IP6K1: variants seen among roughly 807,000 people sequenced by gnomAD.
The protein encoded by IP6K1 is ATP:1D-myo-inositol-hexakisphosphate phosphotransferase.
A neutral mutation model predicts 38.3 loss-of-function variants in IP6K1; 13 were observed. The ratio of observed to expected loss-of-function variants is 0.34; its 90% CI spans 0.22 to 0.54. The LOEUF is 0.54. Among genes scored for constraint, IP6K1 ranks in the 20% least tolerant of loss-of-function variants. IP6K1 has a pLI of 0.92. For missense variants in IP6K1, 397 were observed against 599.8 expected (o/e 0.66, Z 3.53); for synonymous variants, 212 against 229.9 (o/e 0.92, Z 0.70).
intron 1 of IP6K1, among the ~76,000 whole-genome samples, chr3:49,756,504 T>C (rs1471550756): frequency 6.6e-6 from 1 of 151,924 alleles, no homozygotes; most frequent in African/African-American, 2.4e-5. Flanking sequence ...ACAGGGGAAA[T>C]CAAAATGAAA....
At chr3:49,734,567 A>AGAG (rs200760231) in intron 3 of IP6K1, among the ~76,000 whole-genome samples, 2 of 151,450 alleles carry the variant, frequency 1.3e-5, no homozygotes, top group South Asian at 2.1e-4. Context: ...AACCCTCTCC[A>AGAG]AGGGTCAGCT....
intron 2 of IP6K1, among the ~76,000 whole-genome samples, chr3:49,743,971 C>T (rs953529930): frequency 1.3e-5 from 2 of 151,988 alleles, no homozygotes; most frequent in African/African-American, 4.8e-5. Flanking sequence ...CTGCACAATG[C>T]GCCACAATTA....
Position 49,727,048 on chromosome 3 carries a change from C to CCT in IP6K1, c.*72_*73dup. 1 of 1,412,892 alleles carries CCT rather than the reference C, an allele frequency of 7.1e-7. No individual in the cohort carries two copies. The highest frequency in any genetic ancestry group is 1.4e-5 in the African/African-American group (1 of 69,706). The allele number at this position is 1,412,892 out of a possible 1,614,324, so 87.5% of individuals were successfully genotyped here. ...ACCCTTTAAAAGCAAGTCTGTGTGT[C>CCT]CTCACGGCAAGTTCAGAACAATGGT... On this transcript the variant is annotated 3_prime_UTR_variant, in exon 6 of 6. Coordinates refer to ENST00000321599, the MANE Select transcript of IP6K1 (RefSeq NM_153273.4). The surrounding 1 kb of genome is among the most constrained non-coding windows in gnomAD (Gnocchi z 5.9).
At chr3:49,773,420 C>T (rs2080976865) in intron 1 of IP6K1, among the ~76,000 whole-genome samples, 1 of 152,134 alleles carries the variant, frequency 6.6e-6, no homozygotes. Context: ...ACCATCCTGG[C>T]TAACACAGTG....
Position 49,732,905 on chromosome 3 carries a change from C to A in IP6K1, c.502G>T (p.Asp168Tyr). Reference protein sequence around the residue: ...SHSEVPFQMLDGNSGLSSEKI... With the variant: ...SHSEVPFQMLYGNSGLSSEKI... ...TCAGAACTCAAGCCACTGTTGCCAT[C>A]TAGCATCTGGAAAGGGACCTCTGAG... is the stretch of plus-strand genomic sequence containing the variant. Residue 168 changes from aspartate to tyrosine, a missense_variant, in exon 4 of 6, where the codon GAT (aspartate) becomes TAT (tyrosine). Physicochemically the swap from Asp to Tyr is radical, Grantham distance 160 (BLOSUM62 -3). Transcript: ENST00000321599. The A allele has an allele frequency of 6.2e-7, 1 of 1,614,142 alleles. No homozygotes were observed. Among genetic ancestry groups the A allele is most frequent in the Admixed American group, 1.7e-5 (1 of 60,010 alleles).
At chr3:49,748,282 C>T in intron 1 of IP6K1, 114 bp from the exon 2 acceptor site, 2 of 544,700 alleles carry the variant, frequency 3.7e-6, no homozygotes, top group Non-Finnish European at 6.6e-6. Flanking sequence ...ATGTGTATCC[C>T]TAGCACGTAC....
chr3:49,754,551 C>A (rs1037272737), intron 1 of IP6K1, among the ~76,000 whole-genome samples: 1 of 152,018 alleles, frequency 6.6e-6, no homozygotes, highest in African/African-American at 2.4e-5. Flanking sequence ...GGAGAAGAAC[C>A]AGACTAAAGA....
intron 3 of IP6K1, among the ~76,000 whole-genome samples, chr3:49,735,131 G>C (rs1463807630): frequency 6.6e-6 from 1 of 152,184 alleles, no homozygotes; most frequent in Non-Finnish European, 1.5e-5. Context: ...AAGGTGGGAG[G>C]ACTGCTTGAA....
At chr3:49,761,348 C>A (rs1014763278) in intron 1 of IP6K1, among the ~76,000 whole-genome samples, 5 of 150,066 alleles carry the variant, frequency 3.3e-5, no homozygotes, top group African/African-American at 1.2e-4. Flanking sequence ...ATGACCTGGC[C>A]GGGCGTGGTG....
At chr3:49,778,838 C>T (rs979112098) in intron 1 of IP6K1, among the ~76,000 whole-genome samples, 2 of 152,050 alleles carry the variant, frequency 1.3e-5, no homozygotes, top group African/African-American at 2.4e-5. Context: ...GTTTCCAGAG[C>T]TGGTCTCGAA....
chr3:49,759,021 C>A (rs1410483529), intron 1 of IP6K1, among the ~76,000 whole-genome samples: 1 of 151,726 alleles, frequency 6.6e-6, no homozygotes, highest in Non-Finnish European at 1.5e-5. Context: ...TGTTCCTGAA[C>A]TATGAAACAT....
At position 49,727,182 on chromosome 3, in the gene IP6K1, G is replaced by A. The variant is rs775037689; in HGVS notation, c.1266C>T (p.Tyr422=). Residue 422 remains tyrosine, a synonymous_variant, in exon 6 of 6, where the codon TAC becomes TAT. Transcript: ENST00000321599. The surrounding 1 kb of genome is among the most constrained non-coding windows in gnomAD (Gnocchi z 5.9). The part of the protein sequence containing the change: ...PTVHDGPDRG[Y]VFGLENLISI... ...TGATGAGGTTCTCCAGGCCAAACAC[G>A]TAGCCTCTGTCTGGCCCATCATGCA... is the stretch of plus-strand genomic sequence containing the variant. 3.4e-5 allele frequency: 55 copies of A among 1,614,000 alleles called. No homozygotes were observed. Among genetic ancestry groups the A allele is most frequent in the Middle Eastern group, 1.6e-4 (1 of 6,078 alleles).
At chr3:49,757,947 C>T (rs915014950) in intron 1 of IP6K1, among the ~76,000 whole-genome samples, 4 of 152,014 alleles carry the variant, frequency 2.6e-5, no homozygotes, top group Non-Finnish European at 4.4e-5. Flanking sequence ...AAGGTGAAGC[C>T]AAAGCTCTGG....
At chr3:49,736,929 G>A (rs2080617923) in intron 3 of IP6K1, among the ~76,000 whole-genome samples, 2 of 151,830 alleles carry the variant, frequency 1.3e-5, no homozygotes, top group African/African-American at 4.8e-5. Context: ...CCACCACCAT[G>A]CCCGGCTAAT....
intron 1 of IP6K1, among the ~76,000 whole-genome samples, chr3:49,756,091 GAAGA>G (rs2080819985): frequency 6.6e-6 from 1 of 152,184 alleles, no homozygotes; most frequent in African/African-American, 2.4e-5. Flanking sequence ...TAATCTGGGA[GAAGA>G]AAGAGAGGGA....
chr3:49,780,098 TATA>T (rs1185055034), intron 1 of IP6K1, among the ~76,000 whole-genome samples: 1 of 152,068 alleles, frequency 6.6e-6, no homozygotes, highest in Non-Finnish European at 1.5e-5. Context: ...CCTCCTTTTA[TATA>T]ATGAGACAGG....
intron 1 of IP6K1, among the ~76,000 whole-genome samples, chr3:49,763,126 C>T (rs1245686585): frequency 3.2e-5 from 4 of 124,198 alleles, no homozygotes; most frequent in Admixed American, 1.8e-4. Context: ...TTTTTTGAGA[C>T]GGAGTCTCGC....
chr3:49,733,442 C>T (rs2080580858), intron 3 of IP6K1, among the ~76,000 whole-genome samples: 1 of 152,118 alleles, frequency 6.6e-6, no homozygotes, highest in Non-Finnish European at 1.5e-5. Flanking sequence ...GACAAGGATC[C>T]AAACAGACAC....
In IP6K1 at chr3:49,727,733, G is replaced by C; in HGVS notation, c.793-78C>G. On this transcript the variant is annotated intron_variant, in intron 5 of 5. Transcript: ENST00000321599. The surrounding 1 kb of genome is among the most constrained non-coding windows in gnomAD (Gnocchi z 5.9). ...ACAGTGCCCTGGGCAAACACTGTCT[G>C]GAAGGGACTTTGACCAACCTGAGCT... 6.8e-7 allele frequency: 1 copy of C among 1,461,960 alleles called. No homozygotes were observed. The highest frequency in any genetic ancestry group is 2.3e-5 in the East Asian group (1 of 42,910). 90.6% of individuals were successfully genotyped at this position (1,461,960 alleles called of 1,614,324 possible). A position where few individuals can be genotyped will look rare whatever the true frequency, so the allele number is the denominator to read the frequency against.
Sources: gnomAD v4.1 joint callset for allele counts (sites outside exome capture counted in the v4.1 genomes callset) on GRCh38, gnomAD v4.1.1 for gene constraint, Gnocchi (gnomAD v3.1) non-coding constraint, MANE v1.5 for transcripts, NCBI Gene and HGNC (gene_info 2026-07-23, HGNC 2026-07-21) for gene names.